The following PTPRT variants were observed in gnomAD, a reference collection of about 807,000 sequenced individuals.
PTPRT encodes receptor-type tyrosine-protein phosphatase T.
A neutral mutation model predicts 176.8 loss-of-function variants in PTPRT; 56 were observed. The observed-to-expected ratio is 0.32, with a 90% CI of 0.26 to 0.40. The LOEUF (loss-of-function observed/expected upper bound fraction) is 0.40, where lower values mean the gene tolerates loss of function less well. Ranked by LOEUF, PTPRT falls within the 10% of genes least tolerant of loss-of-function variation. PTPRT has a pLI of 1.00. For synonymous variants in PTPRT, 783 were observed against 739.0 expected, an observed-to-expected ratio of 1.06 and a Z score of -0.96; for missense variants, 1,540 against 1,908.2, an observed-to-expected ratio of 0.81 and a Z score of 3.60.
Position 42,080,557 on chromosome 20 carries a change from C to T in PTPRT, c.*322G>A. On this transcript the variant is annotated 3_prime_UTR_variant, in exon 31 of 31. Coordinates refer to ENST00000373187, the MANE Select transcript of PTPRT (RefSeq NM_007050.6). ...CTGCACAGTTGGCTTGCCAAGAGAT[C>T]CACAAACTCAGAACAAAAGCAGGTG... is the stretch of plus-strand genomic sequence containing the variant. 3.2e-6 allele frequency: 1 copy of T among 316,832 alleles called. No individual in the cohort carries two copies. The highest frequency in any genetic ancestry group is 5.9e-6 in the Non-Finnish European group (1 of 169,380). The allele number at this position is 316,832 out of a possible 1,614,324, so 19.6% of individuals were successfully genotyped here. A position where few individuals can be genotyped will look rare whatever the true frequency, so the allele number is the denominator to read the frequency against.
the PTPRT span, among the ~76,000 whole-genome samples, chr20:42,042,543 G>A: frequency 1.6e-4 from 24 of 152,276 alleles, no homozygotes; most frequent in East Asian, 4.5e-3. Context: ...GATTGCTGGT[G>A]CATATTCTTT....
At chr20:42,842,967 G>A (rs145886095) in intron 2 of PTPRT, among the ~76,000 whole-genome samples, 297 of 152,230 alleles carry the variant, frequency 2.0e-3, no homozygotes, top group Non-Finnish European at 3.3e-3. Flanking sequence ...TTGGGGATTC[G>A]GTGGCAACAT....
intron 6 of PTPRT, among the ~76,000 whole-genome samples, chr20:42,748,222 G>A (rs375941048): frequency 6.6e-6 from 1 of 152,116 alleles, no homozygotes; most frequent in African/African-American, 2.4e-5. Flanking sequence ...CAACCTTGTC[G>A]AGGATGTTGA....
intron 7 of PTPRT, among the ~76,000 whole-genome samples, chr20:42,491,871 A>G (rs749091770): frequency 3.9e-5 from 6 of 152,148 alleles, no homozygotes; most frequent in Non-Finnish European, 5.9e-5. Context: ...CCAGGCAGCC[A>G]CTAATCTGTT....
intron 2 of PTPRT, among the ~76,000 whole-genome samples, chr20:42,831,519 A>G (rs914391966): frequency 2.0e-5 from 3 of 152,228 alleles, no homozygotes; most frequent in Non-Finnish European, 2.9e-5. Context: ...AAAAGCAAAA[A>G]TGGAGAAATG....
intron 6 of PTPRT, among the ~76,000 whole-genome samples, chr20:42,724,927 A>C (rs2076356344): frequency 1.3e-5 from 2 of 152,026 alleles, no homozygotes; most frequent in Non-Finnish European, 1.5e-5. Flanking sequence ...CAAAATCCTT[A>C]ACTCCATCAT....
intron 21 of PTPRT, chr20:42,116,072 A>G: frequency 1.4e-6 from 1 of 725,554 alleles, no homozygotes; most frequent in Non-Finnish European, 2.6e-6. Flanking sequence ...CTAGAGTGGC[A>G]TTTCCCACAG....
intron 1 of PTPRT, among the ~76,000 whole-genome samples, chr20:42,912,600 C>T (rs1013590286): frequency 2.6e-5 from 4 of 152,114 alleles, no homozygotes; most frequent in African/African-American, 7.2e-5. Flanking sequence ...CAGATACTTG[C>T]GTATCATACT....
chr20:42,634,274 C>T (rs1411847684), intron 7 of PTPRT, among the ~76,000 whole-genome samples: 5 of 146,016 alleles, frequency 3.4e-5, no homozygotes, highest in African/African-American at 7.6e-5. Context: ...CGACTGTGAA[C>T]GTTAATGATG....
At chr20:42,363,288 ATATATATATATATTTTT>A (rs1456914628) in intron 9 of PTPRT, among the ~76,000 whole-genome samples, 3 of 22,592 alleles carry the variant, frequency 1.3e-4, no homozygotes, top group Non-Finnish European at 2.3e-4. Flanking sequence ...ATATATATAT[ATATATATATATATTTTT>A]TTTTTTTTTT....
chr20:42,098,298 C>T (rs1985491603), intron 27 of PTPRT, 123 bp downstream of exon 27: 1 of 1,365,050 alleles, frequency 7.3e-7, no homozygotes, highest in South Asian at 1.4e-5. Context: ...TGGCCAGACA[C>T]TGCTTATTAC....
intron 2 of PTPRT, among the ~76,000 whole-genome samples, chr20:42,853,574 A>G (rs370037585): frequency 6.6e-6 from 1 of 152,184 alleles, no homozygotes; most frequent in South Asian, 2.1e-4. Flanking sequence ...AAAAGAGAGA[A>G]AAAATGAACT....
intron 7 of PTPRT, among the ~76,000 whole-genome samples, chr20:42,496,859 C>G (rs537527208): frequency 6.6e-6 from 1 of 152,158 alleles, no homozygotes; most frequent in Admixed American, 6.6e-5. Flanking sequence ...ATACCGTTGA[C>G]AATGCATTCC....
intron 23 of PTPRT, among the ~76,000 whole-genome samples, chr20:42,109,191 A>G (rs1011843351): frequency 6.6e-6 from 1 of 152,192 alleles, no homozygotes; most frequent in Non-Finnish European, 1.5e-5. Context: ...GCTGGCTCTG[A>G]GACATCCACA....
intron 7 of PTPRT, among the ~76,000 whole-genome samples, chr20:42,520,927 A>G (rs1444399230): frequency 2.6e-5 from 4 of 151,576 alleles, no homozygotes; most frequent in South Asian, 4.2e-4. Flanking sequence ...CTATTTATCT[A>G]TCTACCTATC....
chr20:42,922,254 C>T (rs991474404), intron 1 of PTPRT, among the ~76,000 whole-genome samples: 2 of 152,124 alleles, frequency 1.3e-5, no homozygotes, highest in African/African-American at 2.4e-5. Context: ...TCTTTCTCAG[C>T]CTCCATGCTG....
intron 7 of PTPRT, among the ~76,000 whole-genome samples, chr20:42,479,187 T>C (rs1213495843): frequency 6.6e-6 from 1 of 152,216 alleles, no homozygotes; most frequent in African/African-American, 2.4e-5. Context: ...GCAAAACAGA[T>C]TTTCAATTCA....
At chr20:42,252,935 G>A (rs1463397195) in intron 13 of PTPRT, among the ~76,000 whole-genome samples, 7 of 152,206 alleles carry the variant, frequency 4.6e-5, no homozygotes, top group African/African-American at 9.6e-5. Flanking sequence ...ATACAGGAAC[G>A]TGAACATTCC....
chr20:42,360,296 G>A (rs1274156961), intron 9 of PTPRT, among the ~76,000 whole-genome samples: 2 of 152,142 alleles, frequency 1.3e-5, no homozygotes, highest in Non-Finnish European at 1.5e-5. Flanking sequence ...TTAGCACCGG[G>A]CTGCTTCCCA....
Sources: allele counts gnomAD v4.1 joint callset (sites outside exome capture counted in the v4.1 genomes callset), GRCh38; gene constraint gnomAD v4.1.1; transcripts MANE v1.5; gene names NCBI Gene and HGNC (gene_info 2026-07-23, HGNC 2026-07-21).